The following SLC25A26 variants were observed in gnomAD, a reference collection of about 807,000 sequenced individuals.
SLC25A26 encodes mitochondrial S-adenosylmethionine carrier protein.
In SLC25A26, 36 loss-of-function variants were observed where a neutral mutation model predicts 37.8. The observed-to-expected ratio is 0.95, with a 90% CI of 0.73 to 1.26. The LOEUF (loss-of-function observed/expected upper bound fraction) is 1.26, where lower values mean the gene tolerates loss of function less well. SLC25A26 is among the 50% of genes most tolerant of loss of function. The probability of loss-of-function intolerance (pLI) is 0.00; values close to 1 mark genes in which losing one functional copy is unlikely to be tolerated. For synonymous variants in SLC25A26, 129 were observed against 122.5 expected (o/e 1.05, Z -0.35); for missense variants, 390 against 331.1 (o/e 1.18, Z -1.38).
chr3:66,226,396 C>A (rs2071753566), intron 1 of SLC25A26, among the ~76,000 whole-genome samples: 1 of 152,188 alleles, frequency 6.6e-6, no homozygotes, highest in South Asian at 2.1e-4. Flanking sequence ...GCCCCTCCCA[C>A]AACATGTGGG....
chr3:66,226,988 A>G (rs989397898), intron 1 of SLC25A26, among the ~76,000 whole-genome samples: 2 of 152,236 alleles, frequency 1.3e-5, no homozygotes, highest in Admixed American at 6.5e-5. Context: ...TATCAACAGT[A>G]GTTTGAACAT....
chr3:66,366,543 T>C (rs1316112285), intron 7 of SLC25A26, among the ~76,000 whole-genome samples: 1 of 152,230 alleles, frequency 6.6e-6, no homozygotes, highest in Non-Finnish European at 1.5e-5. Flanking sequence ...TGTTTCTGTC[T>C]GTAACTTTTC....
chr3:66,196,582 A>T (rs2071046896), intron 1 of SLC25A26, among the ~76,000 whole-genome samples: 2 of 152,216 alleles, frequency 1.3e-5, no homozygotes, highest in African/African-American at 4.8e-5. Context: ...TATTTTGTGG[A>T]TATACAACAC....
At chr3:66,182,862 C>G (rs2070742678) in intron 1 of SLC25A26, among the ~76,000 whole-genome samples, 1 of 152,032 alleles carries the variant, frequency 6.6e-6, no homozygotes, top group South Asian at 2.1e-4. Context: ...AAGGATGCAA[C>G]TGGGGAGGCA....
intron 5 of SLC25A26, among the ~76,000 whole-genome samples, chr3:66,293,743 G>A (rs779919220): frequency 1.6e-4 from 25 of 152,178 alleles, no homozygotes; most frequent in Non-Finnish European, 2.6e-4. Flanking sequence ...CGGCTGTATA[G>A]TATTCATGGT....
At chr3:66,157,676 G>C (rs1425203160) in intron 1 of SLC25A26, among the ~76,000 whole-genome samples, 2 of 152,166 alleles carry the variant, frequency 1.3e-5, no homozygotes, top group African/African-American at 4.8e-5. Context: ...CTTGTACATA[G>C]AGGCTTCCAA....
At chr3:66,357,659 A>G (rs1025342547) in intron 6 of SLC25A26, among the ~76,000 whole-genome samples, 11 of 152,106 alleles carry the variant, frequency 7.2e-5, no homozygotes, top group Non-Finnish European at 1.3e-4. Flanking sequence ...TGGCAATGAA[A>G]TTACTTATTT....
Position 66,179,607 on chromosome 3 carries a change from C to T in SLC25A26, c.-353-41135C>T, listed in dbSNP as rs1194429146. On this transcript the variant is annotated intron_variant, in intron 1 of 10. Transcript: ENST00000676754. ...TGTTCTTTCCAATGCAGAATTTTTA[C>T]TGGGAATAAATCAAGTTCAACTATA... Among the ~76,000 whole-genome samples the T allele has an allele frequency of 3.3e-5, 5 of 152,134 alleles. No homozygotes were observed. In the South Asian group the frequency reaches 6.2e-4, roughly 19 times the overall value.
intron 1 of SLC25A26, among the ~76,000 whole-genome samples, chr3:66,141,385 C>T (rs1280977137): frequency 3.3e-5 from 5 of 152,062 alleles, no homozygotes; most frequent in African/African-American, 7.2e-5. Flanking sequence ...TACCACCACA[C>T]TCAACTCCTA....
chr3:66,342,647 T>G lies in SLC25A26; in HGVS notation c.454-3717T>G, dbSNP rs183484512. Among the ~76,000 whole-genome samples the G allele has an allele frequency of 2.7e-3, 414 of 152,284 alleles. 2 individuals are homozygous for G. The highest frequency in any genetic ancestry group is 9.0e-3 in the African/African-American group (375 of 41,548). On this transcript the variant is annotated intron_variant, in intron 5 of 9. Transcript: ENST00000354883. Reference sequence around the variant, plus strand: ...TAGGTGAAGTGTGCTCATAATGTAATTTTGTTCTTTATTTCATTAGTGATG... The same window carrying G: ...TAGGTGAAGTGTGCTCATAATGTAAGTTTGTTCTTTATTTCATTAGTGATG...
intron 6 of SLC25A26, among the ~76,000 whole-genome samples, chr3:66,361,333 A>T (rs536513129): frequency 1.3e-5 from 2 of 152,340 alleles, no homozygotes; most frequent in East Asian, 3.9e-4. Context: ...TGTGACTTTG[A>T]GTTAGGCAAA....
intron 3 of SLC25A26, among the ~76,000 whole-genome samples, chr3:66,257,452 A>G (rs1425990563): frequency 1.3e-5 from 2 of 152,182 alleles, no homozygotes; most frequent in East Asian, 3.9e-4. Flanking sequence ...ACCCTCAGCC[A>G]GACCACTGCT....
At chr3:66,214,909 C>A (rs1473413091) in intron 1 of SLC25A26, among the ~76,000 whole-genome samples, 1 of 152,094 alleles carries the variant, frequency 6.6e-6, no homozygotes, top group Non-Finnish European at 1.5e-5. Context: ...GGGCGGATGG[C>A]TTGAGGCCTG....
At chr3:66,339,484 C>T (rs1188660254) in intron 5 of SLC25A26, among the ~76,000 whole-genome samples, 1 of 151,936 alleles carries the variant, frequency 6.6e-6, no homozygotes, top group East Asian at 1.9e-4. Context: ...TTGCATATCC[C>T]TTGTTCACCA....
chr3:66,204,246 A>G (rs974522217), intron 1 of SLC25A26, among the ~76,000 whole-genome samples: 38 of 152,146 alleles, frequency 2.5e-4, no homozygotes, highest in East Asian at 1.6e-3. Context: ...TAACACGGTG[A>G]AACCCCGTCT....
intron 3 of SLC25A26, among the ~76,000 whole-genome samples, chr3:66,251,246 G>A (rs1211457832): frequency 6.6e-6 from 1 of 152,150 alleles, no homozygotes; most frequent in Non-Finnish European, 1.5e-5. Context: ...AAGTCCCCTG[G>A]CAGCTGTGTG....
chr3:66,229,951 C>T (rs2071933268), intron 1 of SLC25A26, among the ~76,000 whole-genome samples: 1 of 152,124 alleles, frequency 6.6e-6, no homozygotes, highest in South Asian at 2.1e-4. Context: ...GAGTATTCCA[C>T]AAAGTGGTCA....
chr3:66,333,723 A>G (rs1330665040), intron 5 of SLC25A26, among the ~76,000 whole-genome samples: 1 of 151,912 alleles, frequency 6.6e-6, no homozygotes, highest in Non-Finnish European at 1.5e-5. Flanking sequence ...TTCCCCACCC[A>G]AGGGTCATCA....
chr3:66,207,762 T>C (rs1320688526), intron 1 of SLC25A26, among the ~76,000 whole-genome samples: 1 of 152,254 alleles, frequency 6.6e-6, no homozygotes, highest in Non-Finnish European at 1.5e-5. Flanking sequence ...ACTTTAAATC[T>C]TTCTTGTAAC....
Sources: gnomAD v4.1 joint callset for allele counts (sites outside exome capture counted in the v4.1 genomes callset) on GRCh38, gnomAD v4.1.1 for gene constraint, MANE v1.5 for transcripts, NCBI Gene and HGNC (gene_info 2026-07-23, HGNC 2026-07-21) for gene names.